Variants in CTNNA2 observed in about 807,000 individuals in gnomAD.
The protein encoded by CTNNA2 is catenin alpha 2.
CTNNA2 carries 42 observed loss-of-function variants against 101.0 expected under a neutral mutation model. The ratio of observed to expected loss-of-function variants is 0.42; its 90% CI spans 0.32 to 0.54. CTNNA2 has a LOEUF of 0.54. CTNNA2 is among the 20% of genes least tolerant of loss of function. The probability of loss-of-function intolerance (pLI) is 0.14; values close to 1 mark genes in which losing one functional copy is unlikely to be tolerated. For synonymous variants in CTNNA2, 450 were observed against 456.4 expected (o/e 0.99, Z 0.18); for missense variants, 871 against 1,223.1 (o/e 0.71, Z 4.29).
At chr2:80,275,250 A>G (rs1029116835) in intron 7 of CTNNA2, among the ~76,000 whole-genome samples, 1 of 152,214 alleles carries the variant, frequency 6.6e-6, no homozygotes, top group Non-Finnish European at 1.5e-5. Flanking sequence ...TGATCATACC[A>G]AAAGGCAAGG....
chr2:80,014,733 G>T (rs1200490700), intron 7 of CTNNA2, among the ~76,000 whole-genome samples: 2 of 152,108 alleles, frequency 1.3e-5, no homozygotes, highest in African/African-American at 4.8e-5. Context: ...TTTGTCAACA[G>T]TCATGAAACA....
chr2:79,257,261 A>G (rs1229970711), intron 2 of CTNNA2, among the ~76,000 whole-genome samples: 1 of 152,162 alleles, frequency 6.6e-6, no homozygotes, highest in Non-Finnish European at 1.5e-5. Context: ...ACTAGATGCC[A>G]CTATGTTCTC....
chr2:79,822,248 A>G (rs1309192192), intron 3 of CTNNA2, among the ~76,000 whole-genome samples: 1 of 152,032 alleles, frequency 6.6e-6, no homozygotes, highest in African/African-American at 2.4e-5. Flanking sequence ...AGGAACTAAT[A>G]CTATATTTTA....
chr2:79,246,021 T>A (rs578020358), intron 2 of CTNNA2, among the ~76,000 whole-genome samples: 1 of 152,370 alleles, frequency 6.6e-6, no homozygotes, highest in East Asian at 1.9e-4. Context: ...TCCATCATTA[T>A]GCTGAATACT....
At chr2:80,162,486 T>C in intron 7 of CTNNA2, 2 of 1,602,142 alleles carry the variant, frequency 1.2e-6, no homozygotes, top group East Asian at 2.2e-5. Flanking sequence ...TCTCTGCTAC[T>C]GTCTCTTCTG....
At chr2:80,155,080 C>G (rs926976657) in intron 7 of CTNNA2, among the ~76,000 whole-genome samples, 4 of 152,172 alleles carry the variant, frequency 2.6e-5, no homozygotes, top group Non-Finnish European at 5.9e-5. Flanking sequence ...TATTTAAGGA[C>G]AGCTGGATTC....
intron 1 of CTNNA2, among the ~76,000 whole-genome samples, chr2:79,615,417 A>G (rs1678551253): frequency 6.6e-6 from 1 of 152,230 alleles, no homozygotes; most frequent in South Asian, 2.1e-4. Flanking sequence ...TTAAGAGTTT[A>G]TAATAGCTGT....
At chr2:79,281,297 G>T (rs939480491) in intron 2 of CTNNA2, among the ~76,000 whole-genome samples, 1 of 152,058 alleles carries the variant, frequency 6.6e-6, no homozygotes, top group Non-Finnish European at 1.5e-5. Flanking sequence ...CAAGAAGCTG[G>T]TCCCCATGGT....
chr2:80,537,368 A>G (rs561050869), intron 9 of CTNNA2, among the ~76,000 whole-genome samples: 123 of 152,290 alleles, frequency 8.1e-4, no homozygotes, highest in African/African-American at 2.6e-3. Flanking sequence ...TATTGTAAAT[A>G]GTGCTGCATT....
rs115654318 is a variant in CTNNA2, at chr2:79,942,766, T to G, written c.1056+32969T>G. 2.5e-3 allele frequency among the ~76,000 whole-genome samples: 388 copies of G among 152,268 alleles called. 3 individuals carry two copies. The highest frequency in any genetic ancestry group is 8.6e-3 in the African/African-American group (356 of 41,560). ...TATCTGTCTGGCAACACATCTCTTT[T>G]GTGTTCTACAAAAATTTTCCTGCAT... On this transcript the variant is annotated intron_variant, in intron 7 of 18. Transcript: ENST00000402739.
At position 80,260,822 on chromosome 2, in the gene CTNNA2, C is replaced by A. The variant is rs72928768; in HGVS notation, c.1057-132389C>A. 5.0e-3 allele frequency among the ~76,000 whole-genome samples: 759 copies of A among 152,228 alleles called. 5 individuals carry two copies. Among genetic ancestry groups the A allele is most frequent in the African/African-American group, 0.016 (649 of 41,532 alleles). On this transcript the variant is annotated intron_variant, in intron 7 of 18. Transcript: ENST00000402739. ...TTAAGAAAGAAGTCAGCTGATAATT[C>A]GTAATTGAATTAAGCATTTGAGGAT...
chr2:80,425,705 T>C (rs1574010948), intron 9 of CTNNA2, among the ~76,000 whole-genome samples: 1 of 152,190 alleles, frequency 6.6e-6, no homozygotes, highest in East Asian at 1.9e-4. Flanking sequence ...ATCTATTTTA[T>C]GGGTTTTTTT....
rs184721493 is a variant in CTNNA2 at position 79,961,085 on chromosome 2, T to C, written c.1056+51288T>C. On this transcript the variant is annotated intron_variant, in intron 7 of 18. Coordinates refer to ENST00000402739, the MANE Select transcript of CTNNA2 (RefSeq NM_001282597.3). ...GATATAAGATCTTTGATTTCTGAAA[T>C]AAAAAGTAGAATAGGAAAATAGGAA... Among the ~76,000 whole-genome samples, 266 of 152,292 alleles carry C rather than the reference T, an allele frequency of 1.7e-3. 1 individual carries two copies. Among genetic ancestry groups the C allele is most frequent in the African/African-American group, 5.8e-3 (240 of 41,570 alleles).
At chr2:79,618,002 C>CT (rs1558775305) in intron 1 of CTNNA2, among the ~76,000 whole-genome samples, 1 of 152,162 alleles carries the variant, frequency 6.6e-6, no homozygotes, top group Non-Finnish European at 1.5e-5. Flanking sequence ...TAAATCCTCC[C>CT]TCATATCTCT....
chr2:79,850,426 TCTCC>T (rs1424180021), intron 3 of CTNNA2, among the ~76,000 whole-genome samples: 2 of 127,430 alleles, frequency 1.6e-5, no homozygotes, highest in Non-Finnish European at 3.3e-5. Context: ...TCCCTCCCTC[TCTCC>T]CTCCCTCCCT....
intron 15 of CTNNA2, among the ~76,000 whole-genome samples, chr2:80,596,579 T>A (rs1322659768): frequency 6.6e-6 from 1 of 151,990 alleles, no homozygotes; most frequent in Non-Finnish European, 1.5e-5. Context: ...CTCAAAGTGC[T>A]GGGATTACAG....
chr2:80,491,071 T>C (rs1687025365), intron 9 of CTNNA2, among the ~76,000 whole-genome samples: 1 of 152,218 alleles, frequency 6.6e-6, no homozygotes, highest in African/African-American at 2.4e-5. Context: ...TATTTCAGGG[T>C]ACACAAACTG....
At chr2:80,105,742 A>T (rs1900267) in intron 7 of CTNNA2, among the ~76,000 whole-genome samples, 42,845 of 151,978 alleles carry the variant, frequency 0.28, 6,681 homozygotes, top group East Asian at 0.56. Flanking sequence ...TCAAAAAAAA[A>T]AAAGATTGAA....
At chr2:79,334,539 G>A (rs1676950316) in intron 3 of CTNNA2, among the ~76,000 whole-genome samples, 1 of 151,802 alleles carries the variant, frequency 6.6e-6, no homozygotes, top group South Asian at 2.1e-4. Flanking sequence ...AAAAATTACA[G>A]ACAAATTTAA....
Sources: gnomAD v4.1 joint callset for allele counts (sites outside exome capture counted in the v4.1 genomes callset) on GRCh38, gnomAD v4.1.1 for gene constraint, MANE v1.5 for transcripts, NCBI Gene and HGNC (gene_info 2026-07-23, HGNC 2026-07-21) for gene names.